Variants in AUTS2 observed in about 807,000 individuals in gnomAD.
AUTS2 encodes activator of transcription and developmental regulator AUTS2.
In AUTS2, 17 loss-of-function variants were observed where a neutral mutation model predicts 112.4. The ratio of observed to expected loss-of-function variants is 0.15; its 90% CI spans 0.10 to 0.23. The LOEUF (loss-of-function observed/expected upper bound fraction) is 0.23, where lower values mean the gene tolerates loss of function less well. AUTS2 is among the 10% of genes least tolerant of loss of function. The probability of loss-of-function intolerance (pLI) is 1.00; values close to 1 mark genes in which losing one functional copy is unlikely to be tolerated. For missense variants in AUTS2, 1,510 were observed against 1,701.6 expected (o/e 0.89, Z 1.98); for synonymous variants, 751 against 702.7 (o/e 1.07, Z -1.09).
At chr7:70,636,972 G>T (rs1258802662) in intron 5 of AUTS2, among the ~76,000 whole-genome samples, 1 of 152,120 alleles carries the variant, frequency 6.6e-6, no homozygotes, top group African/African-American at 2.4e-5. Context: ...CCAGTATTTT[G>T]CATGTAAGAT....
At chr7:70,111,792 T>G (rs1805101641) in intron 2 of AUTS2, among the ~76,000 whole-genome samples, 1 of 152,124 alleles carries the variant, frequency 6.6e-6, no homozygotes, top group Non-Finnish European at 1.5e-5. Context: ...GACTGCTTAA[T>G]TATGGTTTTG....
At chr7:70,611,206 A>G (rs1485025621) in intron 5 of AUTS2, among the ~76,000 whole-genome samples, 3 of 152,174 alleles carry the variant, frequency 2.0e-5, no homozygotes, top group Non-Finnish European at 4.4e-5. Context: ...AGTTTTCCCA[A>G]TACTATGTAT....
chr7:70,001,779 C>G (rs1799207935), intron 2 of AUTS2, among the ~76,000 whole-genome samples: 1 of 147,968 alleles, frequency 6.8e-6, no homozygotes, highest in Non-Finnish European at 1.5e-5. Context: ...GGCCTGATCT[C>G]TGTTCACTGC....
intron 2 of AUTS2, among the ~76,000 whole-genome samples, chr7:70,085,657 A>G (rs1438988306): frequency 6.6e-6 from 1 of 152,178 alleles, no homozygotes; most frequent in African/African-American, 2.4e-5. Context: ...ATGAGCCAAC[A>G]TGCCTAGCCT....
intron 1 of AUTS2, among the ~76,000 whole-genome samples, chr7:69,705,257 G>A (rs540913751): frequency 6.6e-6 from 1 of 152,090 alleles, no homozygotes; most frequent in Non-Finnish European, 1.5e-5. Flanking sequence ...AACAATGTGC[G>A]TGCATAGGTC....
At chr7:69,880,049 G>A (rs1329500442) in intron 1 of AUTS2, among the ~76,000 whole-genome samples, 1 of 152,190 alleles carries the variant, frequency 6.6e-6, no homozygotes, top group Non-Finnish European at 1.5e-5. Context: ...AGGTTTAATT[G>A]TCTCATGGTT....
chr7:69,996,988 A>G (rs1238267159), intron 2 of AUTS2, among the ~76,000 whole-genome samples: 2 of 145,900 alleles, frequency 1.4e-5, no homozygotes, highest in African/African-American at 5.1e-5. Context: ...TCAATCCCAG[A>G]TGATTTACAT....
At chr7:69,629,388 C>T (rs947076397) in intron 1 of AUTS2, among the ~76,000 whole-genome samples, 1 of 152,168 alleles carries the variant, frequency 6.6e-6, no homozygotes, top group African/African-American at 2.4e-5. Context: ...ACCTTGCTAG[C>T]TCTCAGCCAA....
intron 1 of AUTS2, among the ~76,000 whole-genome samples, chr7:69,690,662 C>A (rs547992206): frequency 5.3e-5 from 8 of 152,310 alleles, no homozygotes; most frequent in African/African-American, 1.7e-4. Flanking sequence ...AGCTTGGAGA[C>A]TCCAGGAACC....
chr7:70,039,932 C>T (rs914554918), intron 2 of AUTS2, among the ~76,000 whole-genome samples: 1 of 152,126 alleles, frequency 6.6e-6, no homozygotes, highest in African/African-American at 2.4e-5. Context: ...TCTCTTCTCT[C>T]AAGGAGCTCA....
chr7:70,040,840 T>C (rs577117044), intron 2 of AUTS2, among the ~76,000 whole-genome samples: 1 of 152,360 alleles, frequency 6.6e-6, no homozygotes, highest in South Asian at 2.1e-4. Flanking sequence ...ATTAATTCTT[T>C]GCTCAGCTGT....
intron 5 of AUTS2, among the ~76,000 whole-genome samples, chr7:70,557,928 C>G (rs1209696699): frequency 6.6e-6 from 1 of 152,148 alleles, no homozygotes; most frequent in Non-Finnish European, 1.5e-5. Context: ...ACTAAATCGC[C>G]AAGAACACTC....
At chr7:69,601,088 A>G (rs2129069036) in intron 1 of AUTS2, among the ~76,000 whole-genome samples, 2 of 152,070 alleles carry the variant, frequency 1.3e-5, no homozygotes, top group Middle Eastern at 6.8e-3. Context: ...ATTGGCCTCT[A>G]TAAATTTAAC....
chr7:70,547,345 C>T (rs1345415737), intron 5 of AUTS2, among the ~76,000 whole-genome samples: 1 of 152,204 alleles, frequency 6.6e-6, no homozygotes, highest in African/African-American at 2.4e-5. Flanking sequence ...ACCTCCGCCT[C>T]CCGGGGTCAA....
At chr7:70,014,168 T>C (rs889707085) in intron 2 of AUTS2, among the ~76,000 whole-genome samples, 1 of 152,206 alleles carries the variant, frequency 6.6e-6, no homozygotes, top group South Asian at 2.1e-4. Flanking sequence ...TAAAATATTA[T>C]GAGGCTCTAG....
chr7:70,217,552 G>A (rs1409619777), intron 4 of AUTS2, among the ~76,000 whole-genome samples: 2 of 152,168 alleles, frequency 1.3e-5, no homozygotes, highest in Non-Finnish European at 2.9e-5. Context: ...TTATTTCCCA[G>A]TCTGTCTTGC....
chr7:70,732,962 A>G (rs1787519463), intron 6 of AUTS2, among the ~76,000 whole-genome samples: 1 of 152,176 alleles, frequency 6.6e-6, no homozygotes, highest in South Asian at 2.1e-4. Flanking sequence ...GCCCCTCACC[A>G]AAGCTCACAC....
intron 4 of AUTS2, among the ~76,000 whole-genome samples, chr7:70,435,103 T>C (rs1795835461): frequency 6.6e-6 from 1 of 152,190 alleles, no homozygotes; most frequent in Admixed American, 6.5e-5. Flanking sequence ...TTTTTGCCCA[T>C]ATTTTTTATT....
At chr7:70,652,394 A>G (rs1366970585) in intron 5 of AUTS2, among the ~76,000 whole-genome samples, 1 of 152,182 alleles carries the variant, frequency 6.6e-6, no homozygotes, top group Non-Finnish European at 1.5e-5. Flanking sequence ...AAAGTGTAAA[A>G]ATGGAATTTA....
Sources: gnomAD v4.1 joint callset for allele counts (sites outside exome capture counted in the v4.1 genomes callset) on GRCh38, gnomAD v4.1.1 for gene constraint, MANE v1.5 for transcripts, NCBI Gene and HGNC (gene_info 2026-07-23, HGNC 2026-07-21) for gene names.